Variants in PGAP2 observed in about 807,000 individuals in gnomAD.
PGAP2 encodes acyltransferase PGAP2.
Under a neutral mutation model 33.2 loss-of-function variants are expected in PGAP2, and 21 were observed. That is an observed-to-expected ratio of 0.63 (90% CI 0.45 to 0.91). The LOEUF is 0.91. Among genes scored for constraint, PGAP2 ranks in the 40% least tolerant of loss-of-function variants. The probability of loss-of-function intolerance (pLI) is 0.00; values close to 1 mark genes in which losing one functional copy is unlikely to be tolerated. For missense variants in PGAP2, 345 were observed against 424.0 expected (o/e 0.81, Z 1.64); for synonymous variants, 161 against 172.9 (o/e 0.93, Z 0.54).
rs554249350 is a variant in PGAP2 at position 3,815,092 on chromosome 11, C to T, written c.166-2261C>T. ...AGCTGAGATTACAGGCATGCACCAC[C>T]GTGCCTGGCTCATTTTTTGTATTTT... On this transcript the variant is annotated intron_variant, in intron 2 of 6. Transcript: ENST00000278243. 1.2e-4 allele frequency among the ~76,000 whole-genome samples: 18 copies of T among 151,714 alleles called. No homozygotes were observed. In the South Asian group the frequency reaches 3.5e-3, roughly 30 times the overall value.
intron 2 of PGAP2, among the ~76,000 whole-genome samples, chr11:3,814,879 C>T (rs1335083505): frequency 4.4e-5 from 6 of 135,812 alleles, no homozygotes; most frequent in African/African-American, 1.4e-4. Context: ...TTCTTTTCTT[C>T]CTTTCCTTCC....
chr11:3,806,271 A>G (rs1207526038), upstream of PGAP2, among the ~76,000 whole-genome samples: 2 of 151,946 alleles, frequency 1.3e-5, no homozygotes, highest in East Asian at 3.9e-4. Flanking sequence ...AGAGGATGAC[A>G]TGAAGCCCCA....
chr11:3,806,993 C>G (rs547592541), upstream of PGAP2, among the ~76,000 whole-genome samples: 1 of 144,048 alleles, frequency 6.9e-6, no homozygotes, highest in Non-Finnish European at 1.5e-5. Context: ...TGCACTCTAG[C>G]CTGGGTGACA....
intron 1 of PGAP2, among the ~76,000 whole-genome samples, chr11:3,800,298 G>A (rs1256724515): frequency 6.6e-6 from 1 of 152,064 alleles, no homozygotes; most frequent in Non-Finnish European, 1.5e-5. Context: ...TATTTTTAAG[G>A]CTCTCTTCTA....
At chr11:3,817,290 GC>G in intron 2 of PGAP2, 62 bp from the exon 3 acceptor site, 1 of 1,323,934 alleles carries the variant, frequency 7.6e-7, no homozygotes, top group South Asian at 1.3e-5. Flanking sequence ...TCTGGAAAAG[GC>G]CCCACTTTCC....
intron 1 of PGAP2, among the ~76,000 whole-genome samples, chr11:3,809,259 A>T (rs923945459): frequency 6.6e-6 from 1 of 152,212 alleles, no homozygotes; most frequent in African/African-American, 2.4e-5. Flanking sequence ...TGAGGAATGT[A>T]GAACTATCTG....
intron 3 of PGAP2, among the ~76,000 whole-genome samples, chr11:3,819,763 C>T (rs1302746620): frequency 1.3e-5 from 2 of 152,004 alleles, no homozygotes; most frequent in African/African-American, 4.8e-5. Context: ...GTTGCTGGTG[C>T]AGTCGATGAG....
In PGAP2 at chr11:3,817,436, G is replaced by T; in HGVS notation, c.249G>T (p.Met83Ile). ...TGTTCCGGCTTCGCTTCACAGCCAT[G>T]GTCTGGTGGGCCATCACTTTTCCTG... Reference protein sequence around the residue: ...GTLFRLRFTAMVWWAITFPVF... With the variant: ...GTLFRLRFTAIVWWAITFPVF... Residue 83 changes from methionine to isoleucine, a missense_variant, in exon 3 of 7, where the codon ATG (methionine) becomes ATT (isoleucine). Met to Ile is a conservative substitution (Grantham distance 10). Coordinates refer to ENST00000278243, the MANE Select transcript of PGAP2 (RefSeq NM_014489.4). 6.2e-7 allele frequency: 1 copy of T among 1,614,134 alleles called. No homozygotes were observed. Among genetic ancestry groups the T allele is most frequent in the South Asian group, 1.1e-5 (1 of 91,076 alleles).
intron 2 of PGAP2, among the ~76,000 whole-genome samples, chr11:3,814,766 TTCTTTCTTTC>T (rs2086467175): frequency 1.0e-5 from 1 of 98,240 alleles, no homozygotes; most frequent in African/African-American, 3.0e-5. Flanking sequence ...CTTTCTTTCT[TTCTTTCTTTC>T]TTTCTTTCTT....
chr11:3,797,917 T>C, exon 1 of PGAP2: 4 of 1,547,996 alleles, frequency 2.6e-6, no homozygotes, highest in Non-Finnish European at 3.5e-6. Context: ...GCCCCCTTCC[T>C]TGGAGCGCCG....
At chr11:3,810,330 A>C (rs1350302262) in intron 1 of PGAP2, among the ~76,000 whole-genome samples, 1 of 151,918 alleles carries the variant, frequency 6.6e-6, no homozygotes, top group Non-Finnish European at 1.5e-5. Context: ...GCAGTGTGTA[A>C]CTCTTCGTGG....
chr11:3,818,664 A>G (rs1004529555), intron 3 of PGAP2, among the ~76,000 whole-genome samples: 1 of 152,172 alleles, frequency 6.6e-6, no homozygotes, highest in Non-Finnish European at 1.5e-5. Flanking sequence ...GTCTCCCACA[A>G]TCAGTCCACT....
At chr11:3,820,527 C>T (rs1203354698) in intron 3 of PGAP2, among the ~76,000 whole-genome samples, 3 of 151,984 alleles carry the variant, frequency 2.0e-5, no homozygotes, top group Admixed American at 6.6e-5. Context: ...AAATTAGAGG[C>T]CAGGCGTCTG....
chr11:3,822,218 G>A (rs1391183265), intron 3 of PGAP2, among the ~76,000 whole-genome samples: 1 of 152,000 alleles, frequency 6.6e-6, no homozygotes. Context: ...CAAAAAATTA[G>A]CCGGGCGTGG....
intron 3 of PGAP2, among the ~76,000 whole-genome samples, chr11:3,819,427 T>A (rs1414009663): frequency 6.6e-6 from 1 of 150,836 alleles, no homozygotes; most frequent in East Asian, 1.9e-4. Context: ...AGGGATGGAG[T>A]CTAGAGAGGT....
intron 1 of PGAP2, among the ~76,000 whole-genome samples, chr11:3,798,666 G>T (rs1260777869): frequency 2.4e-5 from 3 of 122,664 alleles, no homozygotes; most frequent in African/African-American, 9.4e-5. Flanking sequence ...ATGGAGTCTT[G>T]CTCTGTCTCC....
At chr11:3,798,101 G>A (rs1590033489) in intron 1 of PGAP2, 2 of 1,488,412 alleles carry the variant, frequency 1.3e-6, no homozygotes, top group South Asian at 2.6e-5. Context: ...CTCTTGGAAG[G>A]TCTGTCTGTC....
chr11:3,798,702 G>A (rs933050709), intron 1 of PGAP2, among the ~76,000 whole-genome samples: 1 of 149,974 alleles, frequency 6.7e-6, no homozygotes, highest in Non-Finnish European at 1.5e-5. Context: ...GGAGTGCAGT[G>A]GCACGATCTC....
chr11:3,823,024 CTTTTTT>C (rs746736798), intron 3 of PGAP2: 500 of 307,330 alleles, frequency 1.6e-3, no homozygotes, highest in Non-Finnish European at 1.6e-3. Context: ...TTTTTCTTTT[CTTTTTT>C]TTTTTTTTTT....
Sources: allele counts gnomAD v4.1 joint callset (sites outside exome capture counted in the v4.1 genomes callset), GRCh38; gene constraint gnomAD v4.1.1; transcripts MANE v1.5; gene names NCBI Gene and HGNC (gene_info 2026-07-23, HGNC 2026-07-21).